The following BRINP1 variants were observed in gnomAD, a reference collection of about 807,000 sequenced individuals.
BRINP1 encodes the protein BMP/retinoic acid inducible neural specific 1.
Under a neutral mutation model 72.9 loss-of-function variants are expected in BRINP1, and 17 were observed. The ratio of observed to expected loss-of-function variants is 0.23; its 90% CI spans 0.16 to 0.35. The LOEUF (loss-of-function observed/expected upper bound fraction) is 0.35. Ranked by LOEUF, BRINP1 falls within the 10% of genes least tolerant of loss-of-function variation. The pLI, the probability that BRINP1 is intolerant of heterozygous loss-of-function variation, is 1.00. For synonymous variants in BRINP1, 418 were observed against 378.5 expected, an observed-to-expected ratio of 1.10 and a Z score of -1.21; for missense variants, 850 against 1,001.6, an observed-to-expected ratio of 0.85 and a Z score of 2.04.
intron 7 of BRINP1, among the ~76,000 whole-genome samples, chr9:119,202,025 C>T (rs1422646323): frequency 1.3e-5 from 2 of 151,956 alleles, no homozygotes; most frequent in African/African-American, 2.4e-5. Context: ...AGTTTTTAGT[C>T]TTGGCAGGTC....
Position 119,242,185 on chromosome 9 carries a change from T to G in BRINP1, c.441A>C (p.Lys147Asn). The change falls in exon 4 of 8, where the codon AAA (lysine) becomes AAC (asparagine). Residue 147 changes from lysine (K) to asparagine (N), a missense_variant. Physicochemically the swap from Lys to Asn is moderately conservative, Grantham distance 94. Coordinates refer to ENST00000265922, the MANE Select transcript of BRINP1 (RefSeq NM_014618.3). ...TCCCTGACTTCCTGTCGAGGCGACT[T>G]TTGTCCATATACATGGTCAAAGCCT... ...GEEALTMYMD[K>N]SRLDRKSGNA... 6.2e-7 allele frequency: 1 copy of G among 1,614,136 alleles called. No individual in the cohort carries two copies. The highest frequency in any genetic ancestry group is 1.7e-5 in the Admixed American group (1 of 60,018).
chr9:119,343,385 C>T (rs925920972), intron 1 of BRINP1, among the ~76,000 whole-genome samples: 1 of 152,172 alleles, frequency 6.6e-6, no homozygotes, highest in Non-Finnish European at 1.5e-5. Context: ...AACTTAACAA[C>T]TGCTCCATTC....
At chr9:119,265,839 A>C (rs1830543783) in intron 2 of BRINP1, among the ~76,000 whole-genome samples, 2 of 152,126 alleles carry the variant, frequency 1.3e-5, no homozygotes, top group African/African-American at 4.8e-5. Context: ...CCAGGTAATA[A>C]GCATAGTACC....
intron 7 of BRINP1, among the ~76,000 whole-genome samples, chr9:119,189,508 A>C (rs1829661501): frequency 6.6e-6 from 1 of 152,172 alleles, no homozygotes; most frequent in African/African-American, 2.4e-5. Flanking sequence ...AAAAGAGAAC[A>C]GGGGTTGCTA....
At chr9:119,210,977 C>A (rs1420808465) in intron 6 of BRINP1, among the ~76,000 whole-genome samples, 1 of 152,090 alleles carries the variant, frequency 6.6e-6, no homozygotes, top group African/African-American at 2.4e-5. Context: ...ACTCAGTGAG[C>A]TGGCTGAAGG....
intron 2 of BRINP1, chr9:119,283,288 C>T (rs1454831125): frequency 1.6e-6 from 1 of 619,564 alleles, no homozygotes; most frequent in Admixed American, 6.3e-5. Context: ...TGCAAAATCT[C>T]CAGCCCTGCC....
chr9:119,347,871 T>C (rs76669889), intron 1 of BRINP1, among the ~76,000 whole-genome samples: 6,002 of 152,246 alleles, frequency 0.039, 157 homozygotes, highest in Non-Finnish European at 0.054. Flanking sequence ...AGCTATCCCA[T>C]ATACATTTAT....
In BRINP1 at chr9:119,281,743, ATGATG is replaced by A. The variant is rs373527985; in HGVS notation, c.218+31390_218+31394del. Among the ~76,000 whole-genome samples the A allele has an allele frequency of 8.2e-3, 1,249 of 152,368 alleles. 18 individuals are homozygous for A. The highest frequency in any genetic ancestry group is 0.029 in the African/African-American group (1,200 of 41,590). On this transcript the variant is annotated intron_variant, in intron 2 of 7. Transcript: ENST00000265922. ...AACATTTTTAAGCAAAAATAAGGTCATGATGTGTGTGTATGTGTATGCAACTTGCT... is the reference window on the plus strand; with the variant it reads ...AACATTTTTAAGCAAAAATAAGGTCATGTGTGTATGTGTATGCAACTTGCT...
intron 2 of BRINP1, among the ~76,000 whole-genome samples, chr9:119,272,038 A>G (rs1004274679): frequency 5.9e-5 from 9 of 151,322 alleles, no homozygotes; most frequent in African/African-American, 2.2e-4. Context: ...GCTTTTCACA[A>G]AAAAGTGGGA....
At chr9:119,334,783 G>T (rs542528328) in intron 1 of BRINP1, among the ~76,000 whole-genome samples, 3 of 152,028 alleles carry the variant, frequency 2.0e-5, no homozygotes, top group East Asian at 1.9e-4. Flanking sequence ...TGGAGGGGGT[G>T]GGGGAGGGGA....
At chr9:119,219,670 AG>A in intron 5 of BRINP1, among the ~76,000 whole-genome samples, 1 of 149,018 alleles carries the variant, frequency 6.7e-6, no homozygotes, top group East Asian at 1.9e-4. Context: ...AGAGAGAGAG[AG>A]AGAGAGAGAG....
At position 119,199,737 on chromosome 9, in the gene BRINP1, A is replaced by G. The variant is rs768455960; in HGVS notation, c.1145+8982T>C. Among the ~76,000 whole-genome samples the G allele has an allele frequency of 1.1e-3, 169 of 152,060 alleles. 1 individual carries two copies. The highest frequency in any genetic ancestry group is 1.9e-3 in the Non-Finnish European group (128 of 67,982). ...CAAATCACACTGACCTTAAACACCT[A>G]CTTGATGCTAGGAATTTTATCTCAT... On this transcript the variant is annotated intron_variant, in intron 7 of 7. Coordinates refer to ENST00000265922, the MANE Select transcript of BRINP1 (RefSeq NM_014618.3).
At chr9:119,299,377 G>T (rs1564242271) in intron 2 of BRINP1, among the ~76,000 whole-genome samples, 1 of 152,144 alleles carries the variant, frequency 6.6e-6, no homozygotes, top group Non-Finnish European at 1.5e-5. Context: ...ACTTTGGGAG[G>T]CCGAGGCAGA....
intron 5 of BRINP1, among the ~76,000 whole-genome samples, chr9:119,236,662 C>T (rs1249336445): frequency 1.3e-5 from 2 of 152,130 alleles, no homozygotes; most frequent in Non-Finnish European, 2.9e-5. Flanking sequence ...AATCCTGGCT[C>T]CCACTTCACA....
At chr9:119,301,176 A>G (rs920737597) in intron 2 of BRINP1, among the ~76,000 whole-genome samples, 2 of 152,228 alleles carry the variant, frequency 1.3e-5, no homozygotes, top group Non-Finnish European at 2.9e-5. Context: ...TCAAACATGG[A>G]TAACCTCAAA....
chr9:119,361,100 G>C lies in BRINP1; in HGVS notation c.-51+7956C>G, dbSNP rs187027692. Among the ~76,000 whole-genome samples, 7 of 152,198 alleles carry C rather than the reference G, an allele frequency of 4.6e-5. No homozygotes were observed. The East Asian group carries it at 1.4e-3, about 29-fold the overall frequency. On this transcript the variant is annotated intron_variant, in intron 1 of 7. Coordinates refer to ENST00000265922, the MANE Select transcript of BRINP1 (RefSeq NM_014618.3). ...TGTCCTCACCAGGCTCTCCATTCCT[G>C]TGTGGGGATAGCAGGAAGTCCGGGT...
intron 1 of BRINP1, among the ~76,000 whole-genome samples, chr9:119,352,608 A>G (rs1688059248): frequency 1.3e-5 from 2 of 152,148 alleles, no homozygotes; most frequent in African/African-American, 4.8e-5. Context: ...GGGTTTCACC[A>G]TGTTGGCCAG....
chr9:119,184,340 G>A (rs755130144), intron 7 of BRINP1, among the ~76,000 whole-genome samples: 7 of 152,052 alleles, frequency 4.6e-5, no homozygotes, highest in Non-Finnish European at 8.8e-5. Context: ...CACCATTTTG[G>A]ACCTCACTAC....
intron 1 of BRINP1, among the ~76,000 whole-genome samples, chr9:119,342,585 A>G (rs1438135084): frequency 6.6e-6 from 1 of 152,226 alleles, no homozygotes; most frequent in Admixed American, 6.5e-5. Flanking sequence ...ATGTCTCCAC[A>G]AAATGGGAGC....
Sources: gnomAD v4.1 joint callset for allele counts (sites outside exome capture counted in the v4.1 genomes callset) on GRCh38, gnomAD v4.1.1 for gene constraint, MANE v1.5 for transcripts, NCBI Gene and HGNC (gene_info 2026-07-23, HGNC 2026-07-21) for gene names.